Variants in CSE1L observed in about 807,000 individuals in gnomAD.
CSE1L encodes chromosome segregation 1 like.
A neutral mutation model predicts 120.4 loss-of-function variants in CSE1L; 24 were observed. The observed-to-expected ratio is 0.20, with a 90% CI of 0.14 to 0.28. The LOEUF is 0.28. CSE1L is among the 10% of genes least tolerant of loss of function. The probability of loss-of-function intolerance (pLI) is 1.00; values close to 1 mark genes in which losing one functional copy is unlikely to be tolerated. For missense variants in CSE1L, 830 were observed against 1,145.2 expected (o/e 0.72, Z 3.97); for synonymous variants, 402 against 398.3 (o/e 1.01, Z -0.11).
At position 49,091,049 on chromosome 20, in the gene CSE1L, C is replaced by T. The variant is rs565631385; in HGVS notation, c.2365+27C>T. On this transcript the variant is annotated intron_variant, in intron 21 of 24. Transcript: ENST00000262982. ...TAAGTAAAATCATCTGGATGTTCTA[C>T]AGAAGTAATGAAAGAAGGTAGCTAA... is the stretch of plus-strand genomic sequence containing the variant. The T allele has an allele frequency of 7.9e-6, 11 of 1,397,862 alleles. No homozygotes were observed. The Admixed American group carries it at 1.2e-4, about 16-fold the overall frequency. 86.6% of individuals were successfully genotyped at this position (1,397,862 alleles called of 1,614,324 possible). A position where few individuals can be genotyped will look rare whatever the true frequency, so the allele number is the denominator to read the frequency against.
chr20:49,063,061 A>G (rs1344929909), intron 2 of CSE1L, 141 bp from the exon 3 acceptor site: 8 of 327,008 alleles, frequency 2.4e-5, no homozygotes, highest in Non-Finnish European at 4.2e-5. Flanking sequence ...CACTTAATAG[A>G]TAAGAAAAGT....
At chr20:49,083,799 T>C (rs772019505) in intron 14 of CSE1L, among the ~76,000 whole-genome samples, 12 of 152,176 alleles carry the variant, frequency 7.9e-5, no homozygotes, top group Non-Finnish European at 1.8e-4. Flanking sequence ...ATCTGCAAGA[T>C]GTTATCCTCA....
At chr20:49,072,046 G>A (rs1364023379) in intron 8 of CSE1L, among the ~76,000 whole-genome samples, 16 of 151,880 alleles carry the variant, frequency 1.1e-4, no homozygotes, top group Admixed American at 1.0e-3. Flanking sequence ...GATTACCGGC[G>A]TGAGCCACTA....
At chr20:49,094,705 T>A (rs1009836855) in intron 23 of CSE1L, 27 bp from the exon 24 acceptor site, 2 of 1,524,142 alleles carry the variant, frequency 1.3e-6, no homozygotes, top group Non-Finnish European at 1.8e-6. Context: ...TCTTGACCTT[T>A]TTATCTCTTG....
At chr20:49,049,096 T>C (rs1236523384) in intron 1 of CSE1L, among the ~76,000 whole-genome samples, 3 of 152,220 alleles carry the variant, frequency 2.0e-5, no homozygotes, top group African/African-American at 4.8e-5. Context: ...CTGCCATAAC[T>C]GATTTATTGT....
At position 49,063,275 on chromosome 20, in the gene CSE1L, C is replaced by T. The variant is rs746886192; in HGVS notation, c.159C>T (p.Ser53=). The change falls in exon 3 of 25, where the codon TCC becomes TCT. Residue 53 remains serine (S), a synonymous_variant. Coordinates refer to ENST00000262982, the MANE Select transcript of CSE1L (RefSeq NM_001316.4). ...TGCTTTTGACATTACTGGAGAAGTC[C>T]CAGGATAATGTTATCAAAGTATGTG... ...PLLLLTLLEK[S]QDNVIKVCAS... 6.3e-7 allele frequency: 1 copy of T among 1,583,692 alleles called. No homozygotes were observed. Among genetic ancestry groups the T allele is most frequent in the South Asian group, 1.1e-5 (1 of 87,252 alleles).
intron 6 of CSE1L, among the ~76,000 whole-genome samples, chr20:49,068,223 T>C (rs2091908202): frequency 6.6e-6 from 1 of 152,186 alleles, no homozygotes; most frequent in Admixed American, 6.6e-5. Flanking sequence ...CTGGACTTTT[T>C]AGTGCCATTA....
intron 5 of CSE1L, 141 bp downstream of exon 5, chr20:49,066,651 T>A (rs1486325426): frequency 1.3e-6 from 1 of 744,114 alleles, no homozygotes; most frequent in Admixed American, 2.9e-5. Flanking sequence ...GTATTGCGTT[T>A]GTTTCTTCTC....
intron 5 of CSE1L, among the ~76,000 whole-genome samples, 158 bp from the exon 6 acceptor site, chr20:49,067,031 CA>C (rs60161542): frequency 7.9e-5 from 8 of 100,802 alleles, no homozygotes; most frequent in African/African-American, 2.1e-4. Flanking sequence ...GACTCCGTCT[CA>C]AAAAAAAAAA....
chr20:49,082,854 C>G (rs1228179108), intron 14 of CSE1L, among the ~76,000 whole-genome samples: 2 of 151,942 alleles, frequency 1.3e-5, no homozygotes, highest in South Asian at 2.1e-4. Flanking sequence ...AGGTCTTGCT[C>G]TGTTGCCCAG....
intron 2 of CSE1L, among the ~76,000 whole-genome samples, chr20:49,062,245 C>A (rs183011342): frequency 6.6e-6 from 1 of 152,130 alleles, no homozygotes; most frequent in African/African-American, 2.4e-5. Flanking sequence ...CTTCATCCTT[C>A]AAGAAAGACA....
At chr20:49,080,350 A>G (rs2092002273) in intron 14 of CSE1L, among the ~76,000 whole-genome samples, 1 of 148,244 alleles carries the variant, frequency 6.7e-6, no homozygotes. Context: ...AGTAGCTGGG[A>G]CTACAGGCGT....
At chr20:49,090,872 A>G in intron 20 of CSE1L, 33 bp downstream of exon 20, 2 of 1,604,444 alleles carry the variant, frequency 1.2e-6, no homozygotes, top group South Asian at 1.1e-5. Context: ...GCATTTATTT[A>G]GAAATTTTGT....
intron 16 of CSE1L, among the ~76,000 whole-genome samples, chr20:49,087,722 T>C (rs2092071186): frequency 6.6e-6 from 1 of 152,202 alleles, no homozygotes; most frequent in Admixed American, 6.5e-5. Flanking sequence ...GCTCCATTCA[T>C]GTCAGCTCAC....
intron 7 of CSE1L, among the ~76,000 whole-genome samples, chr20:49,069,233 A>G (rs1172823031): frequency 6.6e-6 from 1 of 152,176 alleles, no homozygotes; most frequent in Non-Finnish European, 1.5e-5. Flanking sequence ...TGGAAGCCAT[A>G]TGAGGGAGAC....
intron 8 of CSE1L, among the ~76,000 whole-genome samples, chr20:49,071,281 CATAAA>C (rs2091929632): frequency 6.6e-6 from 1 of 152,156 alleles, no homozygotes; most frequent in South Asian, 2.1e-4. Flanking sequence ...ATGTAGCTCT[CATAAA>C]ATAATTATTT....
At position 49,072,367 on chromosome 20, in the gene CSE1L, G is replaced by C. The variant is rs201284324; in HGVS notation, c.850G>C (p.Glu284Gln). The C allele has an allele frequency of 2.2e-5, 35 of 1,614,194 alleles. No individual in the cohort carries two copies. Among genetic ancestry groups the C allele is most frequent in the Non-Finnish European group, 2.9e-5 (34 of 1,180,036 alleles). ...NAALYAQKYD[E>Q]EFQRYLPRFV... ...CGCACTCTATGCACAAAAGTACGATGAAGAATTCCAGCGATACCTGCCTCG... is the reference window on the plus strand; with the variant it reads ...CGCACTCTATGCACAAAAGTACGATCAAGAATTCCAGCGATACCTGCCTCG... The change falls in exon 9 of 25, where the codon GAA becomes CAA. Residue 284 changes from glutamate to glutamine, a missense_variant. Around this residue, in one of 4 missense-constraint regions of CSE1L, gnomAD observed 543 missense variants for 640.2 expected, o/e 0.85. Transcript: ENST00000262982.
chr20:49,075,428 G>C lies in CSE1L; in HGVS notation c.1243G>C (p.Glu415Gln). Residue 415 changes from glutamate to glutamine, a missense_variant, in exon 12 of 25, where the codon GAA becomes CAA. Around this residue, in one of 4 missense-constraint regions of CSE1L, gnomAD observed 543 missense variants for 640.2 expected, o/e 0.85. Transcript: ENST00000262982. ...TGGTTATGTTAATTCCATGCTGCAG[G>C]AATACGCAAAAAATCCATCTGTCAA... ...FSGYVNSMLQEYAKNPSVNWK... is the reference protein window; with the variant it reads ...FSGYVNSMLQQYAKNPSVNWK... The C allele has an allele frequency of 6.2e-7, 1 of 1,613,970 alleles. No homozygotes were observed. Among genetic ancestry groups the C allele is most frequent in the Non-Finnish European group, 8.5e-7 (1 of 1,179,992 alleles).
chr20:49,072,836 TGTA>T (rs2091942947), intron 10 of CSE1L, 139 bp downstream of exon 10: 5 of 900,186 alleles, frequency 5.6e-6, no homozygotes, highest in Non-Finnish European at 7.9e-6. Context: ...AGACAGAAAA[TGTA>T]GTATCTGTAA....
Sources: allele counts gnomAD v4.1 joint callset (sites outside exome capture counted in the v4.1 genomes callset), GRCh38; gene constraint gnomAD v4.1.1; regional missense constraint gnomAD v4.1.1; transcripts MANE v1.5; gene names NCBI Gene and HGNC (gene_info 2026-07-23, HGNC 2026-07-21).